The following MTA3 variants were observed in gnomAD, a reference collection of about 807,000 sequenced individuals.
The protein encoded by MTA3 is metastasis-associated protein MTA3.
MTA3 carries 34 observed loss-of-function variants against 83.5 expected under a neutral mutation model. That is an observed-to-expected ratio of 0.41 (90% CI 0.31 to 0.54). The LOEUF (loss-of-function observed/expected upper bound fraction) is 0.54, where lower values mean the gene tolerates loss of function less well. Among genes scored for constraint, MTA3 ranks in the 20% least tolerant of loss-of-function variants. MTA3 has a pLI of 0.33. For missense variants in MTA3, 761 were observed against 726.4 expected, an observed-to-expected ratio of 1.05 and a Z score of -0.55; for synonymous variants, 303 against 252.7, an observed-to-expected ratio of 1.20 and a Z score of -1.89.
intron 4 of MTA3, among the ~76,000 whole-genome samples, chr2:42,619,596 CCAGTGATT>C: frequency 6.6e-6 from 1 of 151,966 alleles, no homozygotes; most frequent in Non-Finnish European, 1.5e-5. Flanking sequence ...CCACATTGAC[CCAGTGATT>C]CAATGTAGTT....
intron 2 of MTA3, among the ~76,000 whole-genome samples, chr2:42,558,609 C>T (rs1189263939): frequency 6.6e-6 from 1 of 151,172 alleles, no homozygotes; most frequent in Non-Finnish European, 1.5e-5. Context: ...GGCTGGAGTG[C>T]AGTGGCATCA....
chr2:42,545,264 G>A (rs941613180), intron 2 of MTA3, among the ~76,000 whole-genome samples: 5 of 152,180 alleles, frequency 3.3e-5, no homozygotes, highest in African/African-American at 1.2e-4. Context: ...TGTACTCGCA[G>A]CTACTTGGGA....
At position 42,753,380 on chromosome 2, in the gene MTA3, C is replaced by T. The variant is rs1004797951; in HGVS notation, c.1766C>T (p.Thr589Met). 3.2e-6 allele frequency: 5 copies of T among 1,550,556 alleles called. No individual in the cohort carries two copies. The highest frequency in any genetic ancestry group is 2.0e-5 in the Admixed American group (1 of 51,010). Reference protein sequence around the residue: ...YSHHNGLDELTCCVSD With the variant: ...YSHHNGLDELMCCVSD ...TGTTACTTCCCTTTTCTAGAACTCA[C>T]GTGCTGTGTGTCAGACTGAGCTTTC... Residue 589 changes from threonine to methionine, a missense_variant, in exon 17 of 17, where the codon ACG becomes ATG. Coordinates refer to ENST00000405094, the MANE Select transcript of MTA3 (RefSeq NM_001330442.2).
intron 2 of MTA3, among the ~76,000 whole-genome samples, chr2:42,510,309 C>CAG (rs1265922546): frequency 8.3e-6 from 1 of 120,452 alleles, no homozygotes; most frequent in Non-Finnish European, 1.7e-5. Context: ...CTGGGCGACT[C>CAG]AGAAAAAAAA....
chr2:42,722,734 C>G (rs1667515943), intron 15 of MTA3, among the ~76,000 whole-genome samples, 155 bp from the exon 16 acceptor site: 1 of 152,166 alleles, frequency 6.6e-6, no homozygotes. Flanking sequence ...GGCAACAACA[C>G]TTGAAGCTGA....
At chr2:42,653,561 C>G (rs981625107) in intron 6 of MTA3, among the ~76,000 whole-genome samples, 1 of 152,070 alleles carries the variant, frequency 6.6e-6, no homozygotes, top group Non-Finnish European at 1.5e-5. Context: ...TTGAAATGAT[C>G]GTTTGATATA....
At chr2:42,515,771 A>G (rs1675116735) in intron 2 of MTA3, among the ~76,000 whole-genome samples, 1 of 150,192 alleles carries the variant, frequency 6.7e-6, no homozygotes, top group South Asian at 2.1e-4. Flanking sequence ...AAAGTGCTGG[A>G]TTACAGGCGT....
At chr2:42,722,495 G>C (rs997702906) in intron 15 of MTA3, among the ~76,000 whole-genome samples, 2 of 152,116 alleles carry the variant, frequency 1.3e-5, no homozygotes, top group African/African-American at 4.8e-5. Context: ...TGCCTGGTTT[G>C]ACAGAGCACA....
In MTA3 at chr2:42,740,459, C is replaced by T. The variant is rs192033330; in HGVS notation, c.1760-12915C>T. Among the ~76,000 whole-genome samples, 713 of 152,318 alleles carry T rather than the reference C, an allele frequency of 4.7e-3. 20 individuals carry two copies. Among genetic ancestry groups the T allele is most frequent in the Admixed American group, 0.042 (645 of 15,292 alleles). On this transcript the variant is annotated intron_variant, in intron 16 of 16. Transcript: ENST00000405094. Reference sequence around the variant, plus strand: ...CCCAGGAGGTCGAGGCCCAGTGAGCCATGTCACTGCACTCCAGCCTGGGTG... The same window carrying T: ...CCCAGGAGGTCGAGGCCCAGTGAGCTATGTCACTGCACTCCAGCCTGGGTG...
chr2:42,709,100 A>G lies in MTA3; in HGVS notation c.1525+4A>G. The G allele has an allele frequency of 6.3e-7, 1 of 1,582,946 alleles. No homozygotes were observed. The highest frequency in any genetic ancestry group is 8.6e-7 in the Non-Finnish European group (1 of 1,164,036). ...TATGCTGCCATTAGGGCAGAATGTAAGATGCTTTTAAATTCTTAACCTTAT... is the reference window on the plus strand; with the variant it reads ...TATGCTGCCATTAGGGCAGAATGTAGGATGCTTTTAAATTCTTAACCTTAT... On this transcript the variant is annotated splice_donor_region_variant and intron_variant, in intron 14 of 16. Transcript: ENST00000405094.
intron 16 of MTA3, among the ~76,000 whole-genome samples, chr2:42,752,583 T>C (rs1228214548): frequency 1.3e-5 from 2 of 152,142 alleles, no homozygotes; most frequent in African/African-American, 4.8e-5. Context: ...GTGAGGGGCA[T>C]AGGAATAGTT....
At chr2:42,533,116 T>C (rs1292142666) in intron 2 of MTA3, 3 of 152,896 alleles carry the variant, frequency 2.0e-5, no homozygotes, top group Non-Finnish European at 2.8e-5. Flanking sequence ...AGATGGAGTC[T>C]TGCTCTTGTC....
chr2:42,729,086 GTTT>G lies in MTA3; in HGVS notation c.1759+6076_1759+6078del, dbSNP rs1216600680. On this transcript the variant is annotated intron_variant, in intron 16 of 16. Coordinates refer to ENST00000405094, the MANE Select transcript of MTA3 (RefSeq NM_001330442.2). ...TTCTTTTATTAGTTTCACAGTTTGAGTTTTTTTTTTTTTTTTTTTTTTTTTTTC... is the reference window on the plus strand; with the variant it reads ...TTCTTTTATTAGTTTCACAGTTTGAGTTTTTTTTTTTTTTTTTTTTTTTTC... 8.6e-3 allele frequency among the ~76,000 whole-genome samples: 515 copies of G among 59,930 alleles called. 3 individuals carry two copies. The highest frequency in any genetic ancestry group is 0.031 in the African/African-American group (486 of 15,834). 39.3% of individuals were successfully genotyped at this position (59,930 alleles called of 152,430 possible).
At chr2:42,704,358 G>C in intron 12 of MTA3, 40 bp downstream of exon 12, 1 of 1,610,866 alleles carries the variant, frequency 6.2e-7, no homozygotes, top group Non-Finnish European at 8.5e-7. Flanking sequence ...ATCGGGAACT[G>C]TTCTGGCTCA....
rs35633597 is a variant in MTA3, at chr2:42,664,466, C to CTTTTTTTTT, written c.702+4624_702+4632dup. 2.3e-4 allele frequency among the ~76,000 whole-genome samples: 20 copies of CTTTTTTTTT among 85,746 alleles called. 9 individuals carry two copies. The highest frequency in any genetic ancestry group is 6.7e-4 in the African/African-American group (14 of 21,032). 56.3% of individuals were successfully genotyped at this position (85,746 alleles called of 152,430 possible). A position where few individuals can be genotyped will look rare whatever the true frequency, so the allele number is the denominator to read the frequency against. Reference sequence around the variant, plus strand: ...CCTACTACCCCCTCACCCCGCTTACCTTTTTTTTTTTTTTTTTTTTTTTTT... The same window carrying CTTTTTTTTT: ...CCTACTACCCCCTCACCCCGCTTACCTTTTTTTTTTTTTTTTTTTTTTTTTTTTTTTTTT... On this transcript the variant is annotated intron_variant, in intron 8 of 16. Transcript: ENST00000405094.
At chr2:42,669,131 C>T (rs139597796) in intron 8 of MTA3, among the ~76,000 whole-genome samples, 4 of 146,454 alleles carry the variant, frequency 2.7e-5, no homozygotes, top group African/African-American at 5.1e-5. Flanking sequence ...GTCACCCAGG[C>T]TGGAGTGCAG....
chr2:42,639,254 G>A (rs1018795211), intron 4 of MTA3, among the ~76,000 whole-genome samples: 2 of 151,746 alleles, frequency 1.3e-5, no homozygotes, highest in East Asian at 1.9e-4. Flanking sequence ...TAATATATAT[G>A]TGATATATTT....
At chr2:42,696,634 G>C (rs1693413197) in intron 10 of MTA3, among the ~76,000 whole-genome samples, 1 of 152,156 alleles carries the variant, frequency 6.6e-6, no homozygotes, top group Non-Finnish European at 1.5e-5. Flanking sequence ...AGCTGGGTAT[G>C]GTGGTGTGCA....
intron 4 of MTA3, among the ~76,000 whole-genome samples, chr2:42,632,596 T>C (rs1573393035): frequency 6.6e-6 from 1 of 152,276 alleles, no homozygotes; most frequent in African/African-American, 2.4e-5. Flanking sequence ...GAAGGATATT[T>C]TTCCTACTTG....
Sources: gnomAD v4.1 joint callset for allele counts (sites outside exome capture counted in the v4.1 genomes callset) on GRCh38, gnomAD v4.1.1 for gene constraint, MANE v1.5 for transcripts, NCBI Gene and HGNC (gene_info 2026-07-23, HGNC 2026-07-21) for gene names.